The following ANO2 variants were observed in gnomAD, a reference collection of about 807,000 sequenced individuals.
ANO2 encodes anoctamin-2.
A neutral mutation model predicts 124.2 loss-of-function variants in ANO2; 101 were observed. The ratio of observed to expected loss-of-function variants is 0.81; its 90% confidence interval spans 0.69 to 0.96. The LOEUF is 0.96. Ranked by LOEUF, ANO2 falls within the 40% of genes least tolerant of loss-of-function variation. The pLI is 0.00. For missense variants in ANO2, 1,293 were observed against 1,274.5 expected (o/e 1.01, Z -0.22); for synonymous variants, 486 against 482.5 (o/e 1.01, Z -0.09).
chr12:5,827,882 C>T, intron 6 of ANO2, 62 bp from the exon 7 acceptor site: 1 of 1,549,996 alleles, frequency 6.5e-7, no homozygotes, highest in Non-Finnish European at 8.8e-7. Flanking sequence ...CACCGTGTGT[C>T]ACCCTCACCA....
intron 14 of ANO2, among the ~76,000 whole-genome samples, chr12:5,732,183 CGTG>C (rs1485699820): frequency 6.6e-6 from 1 of 152,080 alleles, no homozygotes; most frequent in African/African-American, 2.4e-5. Flanking sequence ...AAGGATTAGC[CGTG>C]GTGGTGGTTG....
intron 14 of ANO2, among the ~76,000 whole-genome samples, chr12:5,651,994 C>T (rs907506849): frequency 5.3e-5 from 8 of 152,336 alleles, no homozygotes; most frequent in Non-Finnish European, 1.2e-4. Context: ...TATCCTTTCA[C>T]TATCTGAGGG....
At chr12:5,663,296 G>A (rs117864643) in intron 14 of ANO2, among the ~76,000 whole-genome samples, 1 of 152,338 alleles carries the variant, frequency 6.6e-6, no homozygotes, top group East Asian at 1.9e-4. Flanking sequence ...TTGGTGCAGA[G>A]AGGAAAAGCG....
chr12:5,767,995 T>C (rs888742657), intron 10 of ANO2, among the ~76,000 whole-genome samples: 1 of 152,028 alleles, frequency 6.6e-6, no homozygotes, highest in African/African-American at 2.4e-5. Flanking sequence ...CTGTAGGGGG[T>C]GCAGCTACTA....
intron 10 of ANO2, among the ~76,000 whole-genome samples, chr12:5,794,493 A>G (rs1269739072): frequency 2.0e-5 from 3 of 152,078 alleles, no homozygotes; most frequent in Admixed American, 2.0e-4. Context: ...AGGGCAGTCC[A>G]GGCTGGTTAC....
At chr12:5,923,152 A>G (rs1210159661) in intron 1 of ANO2, among the ~76,000 whole-genome samples, 1 of 101,992 alleles carries the variant, frequency 9.8e-6, no homozygotes, top group Non-Finnish European at 2.1e-5. Flanking sequence ...ATGCACACAT[A>G]CACACACGCA....
chr12:5,877,653 G>A (rs1938198684), intron 3 of ANO2, among the ~76,000 whole-genome samples: 1 of 152,206 alleles, frequency 6.6e-6, no homozygotes, highest in Admixed American at 6.5e-5. Flanking sequence ...CTCATAAGAT[G>A]TTTGTTTAAA....
At chr12:5,618,646 A>G (rs1017175473) in intron 16 of ANO2, among the ~76,000 whole-genome samples, 1 of 152,162 alleles carries the variant, frequency 6.6e-6, no homozygotes, top group Admixed American at 6.5e-5. Context: ...TGTTTTCATC[A>G]AACACTCTCT....
At chr12:5,606,996 CA>C (rs1944252338) in intron 19 of ANO2, among the ~76,000 whole-genome samples, 1 of 151,436 alleles carries the variant, frequency 6.6e-6, no homozygotes, top group Non-Finnish European at 1.5e-5. Flanking sequence ...ATTCTTATTA[CA>C]TTTTTATTCC....
chr12:5,583,482 T>G (rs1266683222), intron 20 of ANO2, among the ~76,000 whole-genome samples: 1 of 151,072 alleles, frequency 6.6e-6, no homozygotes, highest in East Asian at 1.9e-4. Context: ...TGAAACCCCG[T>G]CTCTACTAAA....
At chr12:5,843,213 G>A (rs1409471375) in intron 4 of ANO2, among the ~76,000 whole-genome samples, 3 of 152,144 alleles carry the variant, frequency 2.0e-5, no homozygotes, top group South Asian at 2.1e-4. Flanking sequence ...AGTTGGCAGC[G>A]AACCTCCTTC....
rs1950573024 is a variant in ANO2, at chr12:5,729,963, A to G, written c.1545+2557T>C. On this transcript the variant is annotated intron_variant, in intron 14 of 24. Transcript: ENST00000682330. ...GTCCAGAATAGGCAAATCTATAGAG[A>G]CAGAAAGTAGATTAGTTGTTACCCA... Among the ~76,000 whole-genome samples, 3 of 152,356 alleles carry G rather than the reference A, an allele frequency of 2.0e-5. No homozygotes were observed. In the South Asian group the frequency reaches 6.2e-4, roughly 32 times the overall value.
At chr12:5,605,777 C>T (rs981298194) in intron 19 of ANO2, among the ~76,000 whole-genome samples, 6 of 152,102 alleles carry the variant, frequency 3.9e-5, no homozygotes, top group African/African-American at 1.2e-4. Context: ...GAGGGAAATT[C>T]CCATCCATGG....
At chr12:5,916,408 A>G (rs1400096985) in intron 3 of ANO2, among the ~76,000 whole-genome samples, 1 of 151,626 alleles carries the variant, frequency 6.6e-6, no homozygotes, top group Non-Finnish European at 1.5e-5. Flanking sequence ...GTAAATTAAG[A>G]ATGCATACAG....
chr12:5,763,722 T>C (rs973419542), intron 10 of ANO2, among the ~76,000 whole-genome samples: 2 of 152,224 alleles, frequency 1.3e-5, no homozygotes, highest in Admixed American at 6.5e-5. Flanking sequence ...GAGATATTTG[T>C]AGTATTAAAA....
chr12:5,900,709 C>T lies in ANO2; in HGVS notation c.534+20331G>A, dbSNP rs1330881654. On this transcript the variant is annotated intron_variant, in intron 3 of 24. Transcript: ENST00000682330. The surrounding 1 kb of genome is among the most constrained non-coding windows in gnomAD (Gnocchi z 4.2). Reference sequence around the variant, plus strand: ...ACAATCCCCTTCCCCATGGGTGGGGCCGGGACAGGAAATGGCCAAGCACAC... The same window carrying T: ...ACAATCCCCTTCCCCATGGGTGGGGTCGGGACAGGAAATGGCCAAGCACAC... Among the ~76,000 whole-genome samples, 1 of 152,228 alleles carries T rather than the reference C, an allele frequency of 6.6e-6. No homozygotes were observed. The highest frequency in any genetic ancestry group is 2.4e-5 in the African/African-American group (1 of 41,472).
chr12:5,635,339 C>T lies in ANO2; in HGVS notation c.1629G>A (p.Leu543=). 4 of 1,566,736 alleles carry T rather than the reference C, an allele frequency of 2.6e-6. No individual in the cohort carries two copies. The highest frequency in any genetic ancestry group is 3.4e-6 in the Non-Finnish European group (4 of 1,160,686). ...NFASILFMIA[L]TFSIVFGVIV... ...TCACCCCAAAGACGATTGAGAATGT[C>T]AGGGCAATCTGTTTGGGAAAACAGA... The change falls in exon 16 of 25, where the codon CTG becomes CTA. Residue 543 remains leucine, a synonymous_variant. Transcript: ENST00000682330. This position sits in a 1 kb window ranked among gnomAD's most constrained non-coding sequence, Gnocchi z 5.2.
chr12:5,886,336 A>T (rs1938903504), intron 3 of ANO2, among the ~76,000 whole-genome samples: 1 of 152,220 alleles, frequency 6.6e-6, no homozygotes, highest in Non-Finnish European at 1.5e-5. Flanking sequence ...GACATCGATG[A>T]GCCTGGAGGA....
rs140417811 is a variant in ANO2 at position 5,638,298 on chromosome 12, C to T, written c.1621-2951G>A. Reference sequence around the variant, plus strand: ...TCACCCAGGTTGGAGTGCAGTGGTGCGATCTGGGCTCACTGCAAGCTCCGC... The same window carrying T: ...TCACCCAGGTTGGAGTGCAGTGGTGTGATCTGGGCTCACTGCAAGCTCCGC... On this transcript the variant is annotated intron_variant, in intron 15 of 24. Transcript: ENST00000682330. Among the ~76,000 whole-genome samples the T allele has an allele frequency of 2.0e-3, 290 of 143,918 alleles. 2 individuals carry two copies. The highest frequency in any genetic ancestry group is 7.0e-3 in the African/African-American group (271 of 38,546). The allele number at this position is 143,918 out of a possible 152,430, so 94.4% of individuals were successfully genotyped here.
Sources: allele counts gnomAD v4.1 joint callset (sites outside exome capture counted in the v4.1 genomes callset), GRCh38; gene constraint gnomAD v4.1.1; non-coding constraint Gnocchi (gnomAD v3.1); transcripts MANE v1.5; gene names NCBI Gene and HGNC (gene_info 2026-07-23, HGNC 2026-07-21).